The following REV3L variants were observed in gnomAD, a reference collection of about 807,000 sequenced individuals.
The protein encoded by REV3L is DNA polymerase zeta catalytic subunit.
In REV3L, 69 loss-of-function variants were observed where a neutral mutation model predicts 299.4. The ratio of observed to expected loss-of-function variants is 0.23; its 90% confidence interval spans 0.19 to 0.28. The LOEUF (loss-of-function observed/expected upper bound fraction) is 0.28, where lower values mean the gene tolerates loss of function less well. Ranked by LOEUF, REV3L falls within the 10% of genes least tolerant of loss-of-function variation. The pLI is 1.00. For synonymous variants in REV3L, 1,238 were observed against 1,271.4 expected, an observed-to-expected ratio of 0.97 and a Z score of 0.56; for missense variants, 3,128 against 3,693.8, an observed-to-expected ratio of 0.85 and a Z score of 3.97.
At chr6:111,411,083 T>C (rs1194532739) in intron 3 of REV3L, among the ~76,000 whole-genome samples, 2 of 152,072 alleles carry the variant, frequency 1.3e-5, no homozygotes, top group African/African-American at 2.4e-5. Flanking sequence ...TAGTAAACAG[T>C]CAACAGGTTT....
At chr6:111,399,738 A>AG (rs1468770975) in intron 4 of REV3L, among the ~76,000 whole-genome samples, 1 of 152,038 alleles carries the variant, frequency 6.6e-6, no homozygotes, top group Non-Finnish European at 1.5e-5. Context: ...ACATCACATG[A>AG]GGGGCCACAT....
chr6:111,406,727 A>AT (rs2128276080), intron 3 of REV3L, among the ~76,000 whole-genome samples: 1 of 152,180 alleles, frequency 6.6e-6, no homozygotes, highest in African/African-American at 2.4e-5. Flanking sequence ...TTGGTTTGGG[A>AT]TTTTTTGGAA....
At chr6:111,444,456 G>A (rs191876190) in intron 1 of REV3L, among the ~76,000 whole-genome samples, 5 of 152,278 alleles carry the variant, frequency 3.3e-5, no homozygotes, top group Non-Finnish European at 5.9e-5. Flanking sequence ...ACCTGAAAGA[G>A]ATGTTTCCAA....
At chr6:111,447,300 A>G (rs889983779) in intron 1 of REV3L, among the ~76,000 whole-genome samples, 3 of 152,200 alleles carry the variant, frequency 2.0e-5, no homozygotes, top group Admixed American at 6.5e-5. Flanking sequence ...AGATTATTTC[A>G]ACTCCAACTT....
At chr6:111,409,922 C>G (rs1784070867) in intron 3 of REV3L, among the ~76,000 whole-genome samples, 1 of 152,226 alleles carries the variant, frequency 6.6e-6, no homozygotes, top group Non-Finnish European at 1.5e-5. Flanking sequence ...TGTGTATTCT[C>G]TATCTCCCCA....
chr6:111,329,829 T>G, intron 24 of REV3L, 91 bp from the exon 25 acceptor site: 2 of 910,562 alleles, frequency 2.2e-6, no homozygotes, highest in Non-Finnish European at 3.4e-6. Flanking sequence ...AATGGCCAAC[T>G]GTCAGGAATT....
chr6:111,424,833 T>C (rs1442061554), intron 1 of REV3L, among the ~76,000 whole-genome samples: 1 of 152,212 alleles, frequency 6.6e-6, no homozygotes, highest in African/African-American at 2.4e-5. Context: ...ACAGCAATTA[T>C]TTAATTGCTG....
intron 1 of REV3L, among the ~76,000 whole-genome samples, chr6:111,446,254 T>A (rs1031590799): frequency 6.6e-6 from 1 of 152,218 alleles, no homozygotes; most frequent in African/African-American, 2.4e-5. Context: ...ATCCTGCTGC[T>A]CCATAATCAA....
chr6:111,344,047 A>T lies in REV3L; in HGVS notation c.7420-4T>A, dbSNP rs374200923. 6.3e-7 allele frequency: 1 copy of T among 1,579,318 alleles called. No homozygotes were observed. The highest frequency in any genetic ancestry group is 8.6e-7 in the Non-Finnish European group (1 of 1,161,040). Reference sequence around the variant, plus strand: ...AGGTGTAGTTAGTTAGAGCCACCTAAAAAAAAAGGCAAGACACCATTATAA... The same window carrying T: ...AGGTGTAGTTAGTTAGAGCCACCTATAAAAAAAGGCAAGACACCATTATAA... On this transcript the variant is annotated splice_region_variant and splice_polypyrimidine_tract_variant and intron_variant, in intron 20 of 31. Transcript: ENST00000368802.
chr6:111,445,607 A>C (rs1476511088), intron 1 of REV3L, among the ~76,000 whole-genome samples: 1 of 152,192 alleles, frequency 6.6e-6, no homozygotes, highest in Non-Finnish European at 1.5e-5. Flanking sequence ...GTGGATTTCA[A>C]AATGAATTAA....
chr6:111,407,890 C>T lies in REV3L; in HGVS notation c.405-2260G>A, dbSNP rs549671700. Among the ~76,000 whole-genome samples the T allele has an allele frequency of 3.9e-5, 6 of 152,028 alleles. 1 individual carries two copies. The highest frequency in any genetic ancestry group is 1.5e-4 in the African/African-American group (6 of 41,372). On this transcript the variant is annotated intron_variant, in intron 3 of 31. Transcript: ENST00000368802. Reference sequence around the variant, plus strand: ...GGATGAGGTTACAGTGAGCTGAGATCGTGCCATTGACCTCCAGCCTGAGCA... The same window carrying T: ...GGATGAGGTTACAGTGAGCTGAGATTGTGCCATTGACCTCCAGCCTGAGCA...
chr6:111,373,599 G>A lies in REV3L; in HGVS notation c.4756C>T (p.Pro1586Ser), dbSNP rs1780012666. Reference protein sequence around the residue: ...SVTSPRKPRTPRSTKQKEKIP... With the variant: ...SVTSPRKPRTSRSTKQKEKIP... ...TTTTCTTTTTGTTTTGTACTTCTGG[G>A]AGTTCGAGGTTTTCTTGGGGACGTT... The change falls in exon 13 of 32, where the codon CCC becomes TCC. Residue 1586 changes from proline to serine, a missense_variant. Pro to Ser is a moderately conservative substitution (Grantham distance 74, BLOSUM62 -1). Coordinates refer to ENST00000368802, the MANE Select transcript of REV3L (RefSeq NM_001372078.1). 1 of 1,614,018 alleles carries A rather than the reference G, an allele frequency of 6.2e-7. No homozygotes were observed. The highest frequency in any genetic ancestry group is 2.2e-5 in the East Asian group (1 of 44,866).
chr6:111,355,545 G>A (rs1778000774), intron 18 of REV3L, among the ~76,000 whole-genome samples: 1 of 152,054 alleles, frequency 6.6e-6, no homozygotes, highest in Non-Finnish European at 1.5e-5. Flanking sequence ...TGACAGTTTT[G>A]TTTACCCCAT....
intron 1 of REV3L, chr6:111,431,725 GA>G: frequency 1.1e-6 from 1 of 873,666 alleles, no homozygotes. Flanking sequence ...GGATTTGACA[GA>G]AGATACTGAA....
chr6:111,310,160 C>T, intron 29 of REV3L, 61 bp from the exon 30 acceptor site: 1 of 1,455,762 alleles, frequency 6.9e-7, no homozygotes, highest in South Asian at 1.6e-5. Context: ...ATCTTTCTCA[C>T]AAATTAAGTC....
chr6:111,436,779 A>G (rs745670894), intron 1 of REV3L, among the ~76,000 whole-genome samples: 3 of 152,200 alleles, frequency 2.0e-5, no homozygotes, highest in African/African-American at 4.8e-5. Flanking sequence ...AGAAGAGAAT[A>G]AATCAAATAT....
chr6:111,459,808 C>A (rs757965323), intron 1 of REV3L, among the ~76,000 whole-genome samples: 1 of 152,088 alleles, frequency 6.6e-6, no homozygotes, highest in Non-Finnish European at 1.5e-5. Flanking sequence ...AAAACCTTTA[C>A]GCTGTTGGTG....
At chr6:111,431,618 C>A in intron 1 of REV3L, 1 of 781,706 alleles carries the variant, frequency 1.3e-6, no homozygotes, top group Non-Finnish European at 2.2e-6. Flanking sequence ...AAAGAACTTG[C>A]ACAGCAAGTA....
chr6:111,474,541 G>A (rs1792674043), intron 1 of REV3L, among the ~76,000 whole-genome samples: 1 of 152,198 alleles, frequency 6.6e-6, no homozygotes, highest in Non-Finnish European at 1.5e-5. Context: ...ATCAAAAGGA[G>A]CAGTATGCTG....
Sources: gnomAD v4.1 joint callset for allele counts (sites outside exome capture counted in the v4.1 genomes callset) on GRCh38, gnomAD v4.1.1 for gene constraint, MANE v1.5 for transcripts, NCBI Gene and HGNC (gene_info 2026-07-23, HGNC 2026-07-21) for gene names.